The following SGO2 variants were observed in gnomAD, a reference collection of about 807,000 sequenced individuals.
The protein encoded by SGO2 is shugoshin-like 2.
A neutral mutation model predicts 99.5 loss-of-function variants in SGO2; 68 were observed. That is an observed-to-expected ratio of 0.68 (90% CI 0.56 to 0.84). The LOEUF (loss-of-function observed/expected upper bound fraction) is 0.84, where lower values mean the gene tolerates loss of function less well. Among genes scored for constraint, SGO2 ranks in the 40% least tolerant of loss-of-function variants. The pLI, the probability that SGO2 is intolerant of heterozygous loss-of-function variation, is 0.00. For missense variants in SGO2, 1,350 were observed against 1,436.7 expected (o/e 0.94, Z 0.97); for synonymous variants, 457 against 487.1 (o/e 0.94, Z 0.81).
At chr2:200,561,529 G>A (rs1434058324) in intron 5 of SGO2, among the ~76,000 whole-genome samples, 2 of 152,208 alleles carry the variant, frequency 1.3e-5, no homozygotes, top group East Asian at 3.8e-4. Context: ...ACGTGTGCAT[G>A]TGTCTTTATA....
intron 5 of SGO2, among the ~76,000 whole-genome samples, chr2:200,550,842 T>C (rs2032450912): frequency 6.6e-6 from 1 of 151,978 alleles, no homozygotes. Context: ...CTAAGATTAT[T>C]ACATCAAGCT....
intron 5 of SGO2, among the ~76,000 whole-genome samples, chr2:200,559,627 C>T (rs934362528): frequency 1.3e-5 from 2 of 152,050 alleles, no homozygotes; most frequent in Non-Finnish European, 2.9e-5. Context: ...GATGAGTTCT[C>T]GTTGCCCAAG....
intron 5 of SGO2, among the ~76,000 whole-genome samples, chr2:200,565,322 G>T (rs1443171813): frequency 6.6e-6 from 1 of 152,116 alleles, no homozygotes; most frequent in African/African-American, 2.4e-5. Context: ...CACTTATGAA[G>T]CTTAGTTTGG....
At chr2:200,538,639 C>T (rs949218604) in intron 4 of SGO2, among the ~76,000 whole-genome samples, 1 of 152,074 alleles carries the variant, frequency 6.6e-6, no homozygotes, top group Non-Finnish European at 1.5e-5. Context: ...GTAGTGTTTC[C>T]CCAGTAAGAC....
intron 5 of SGO2, among the ~76,000 whole-genome samples, chr2:200,548,285 A>G (rs2032327864): frequency 6.6e-6 from 1 of 152,044 alleles, no homozygotes; most frequent in Admixed American, 6.6e-5. Flanking sequence ...TATCTTCACA[A>G]TGGAAGAAAA....
rs202075432 is a variant in SGO2, at chr2:200,571,677, G to C, written c.1331G>C (p.Gly444Ala). 1.9e-6 allele frequency: 3 copies of C among 1,613,688 alleles called. No homozygotes were observed. The highest frequency in any genetic ancestry group is 4.5e-5 in the East Asian group (2 of 44,858). Reference sequence around the variant, plus strand: ...TCTGATGTCCTGGATGGCAAAAGGGGTGCAGAAGATCCCGGTTTTATTTTC... The same window carrying C: ...TCTGATGTCCTGGATGGCAAAAGGGCTGCAGAAGATCCCGGTTTTATTTTC... ...ERSDVLDGKR[G>A]AEDPGFIFNN... Residue 444 changes from glycine (G) to alanine (A), a missense_variant, in exon 7 of 9, where the codon GGT (glycine) becomes GCT (alanine). Transcript: ENST00000357799.
intron 4 of SGO2, 118 bp downstream of exon 4, chr2:200,536,260 G>A (rs1451310961): frequency 5.6e-6 from 3 of 537,114 alleles, no homozygotes; most frequent in African/African-American, 3.8e-5. Context: ...AAGGACTGAT[G>A]ATAATATCAG....
chr2:200,549,605 A>G (rs1257569617), intron 5 of SGO2, among the ~76,000 whole-genome samples: 4 of 152,242 alleles, frequency 2.6e-5, no homozygotes, highest in Non-Finnish European at 5.9e-5. Flanking sequence ...CAGCAGACAC[A>G]AATCAATCAA....
intron 5 of SGO2, among the ~76,000 whole-genome samples, chr2:200,548,684 TAAAC>T (rs926632636): frequency 6.6e-6 from 1 of 152,034 alleles, no homozygotes; most frequent in Non-Finnish European, 1.5e-5. Flanking sequence ...TTTGAAAAGA[TAAAC>T]AACATTGACA....
chr2:200,570,239 T>C lies in SGO2; in HGVS notation c.703+347T>C, dbSNP rs1013937162. On this transcript the variant is annotated intron_variant, in intron 6 of 8. Transcript: ENST00000357799. The surrounding 1 kb of genome is among the most constrained non-coding windows in gnomAD (Gnocchi z 4.4). ...TAGATATGAAAATTGGGGGCCTAGA[T>C]AGGTATAGAGACTCTTTGAAGATCA... 3 of 258,938 alleles carry C rather than the reference T, an allele frequency of 1.2e-5. No homozygotes were observed. The highest frequency in any genetic ancestry group is 6.6e-5 in the African/African-American group (3 of 45,502). 16.0% of individuals were successfully genotyped at this position (258,938 alleles called of 1,614,324 possible).
chr2:200,569,384 CTTAA>C (rs1166118045), intron 5 of SGO2, among the ~76,000 whole-genome samples: 2 of 151,888 alleles, frequency 1.3e-5, no homozygotes, highest in Non-Finnish European at 2.9e-5. Flanking sequence ...TTTTCATTTG[CTTAA>C]TAGTAGTCTT....
intron 5 of SGO2, among the ~76,000 whole-genome samples, chr2:200,550,844 C>T (rs139175966): frequency 4.7e-4 from 71 of 152,092 alleles, no homozygotes; most frequent in African/African-American, 1.5e-3. Context: ...AAGATTATTA[C>T]ATCAAGCTAA....
chr2:200,526,186 A>C (rs2031070051), upstream of SGO2: 1 of 152,374 alleles, frequency 6.6e-6, no homozygotes, highest in Admixed American at 6.5e-5. This position sits in a 1 kb window ranked among gnomAD's most constrained non-coding sequence, Gnocchi z 4.8. Flanking sequence ...GTTTAAACCC[A>C]AGCCGCAGCC....
At chr2:200,530,548 G>A (rs908037662) in intron 1 of SGO2, among the ~76,000 whole-genome samples, 1 of 152,172 alleles carries the variant, frequency 6.6e-6, no homozygotes, top group African/African-American at 2.4e-5. Flanking sequence ...GGTATTTTAA[G>A]TGATGAGACT....
intron 1 of SGO2, among the ~76,000 whole-genome samples, chr2:200,529,063 T>C (rs867220774): frequency 2.0e-5 from 3 of 152,290 alleles, no homozygotes; most frequent in Middle Eastern, 6.8e-3. Flanking sequence ...GAAATTTCAT[T>C]GTAGTGGATC....
intron 8 of SGO2, among the ~76,000 whole-genome samples, chr2:200,577,070 G>A (rs957466740): frequency 3.3e-5 from 5 of 151,314 alleles, no homozygotes; most frequent in African/African-American, 1.2e-4. Flanking sequence ...CCCTAGGAGT[G>A]GAATTGCTGA....
chr2:200,550,185 C>G (rs12105174), intron 5 of SGO2, among the ~76,000 whole-genome samples: 1 of 152,062 alleles, frequency 6.6e-6, no homozygotes, highest in South Asian at 2.1e-4. Flanking sequence ...TGACAAAACT[C>G]TGATGAAAGA....
chr2:200,566,412 G>C (rs2033190899), intron 5 of SGO2, among the ~76,000 whole-genome samples: 2 of 152,172 alleles, frequency 1.3e-5, no homozygotes, highest in African/African-American at 4.8e-5. Flanking sequence ...AAATGTTGCT[G>C]TCTGATCGTT....
chr2:200,574,045 C>A, intron 7 of SGO2, 68 bp downstream of exon 7: 2 of 1,270,980 alleles, frequency 1.6e-6, no homozygotes, highest in Non-Finnish European at 1.1e-6. Flanking sequence ...TCGTTTTTTA[C>A]TTAGCCAGTG....
Sources: allele counts gnomAD v4.1 joint callset (sites outside exome capture counted in the v4.1 genomes callset), GRCh38; gene constraint gnomAD v4.1.1; non-coding constraint Gnocchi (gnomAD v3.1); transcripts MANE v1.5; gene names NCBI Gene and HGNC (gene_info 2026-07-23, HGNC 2026-07-21).